The following GLI3 variants were observed in gnomAD, a reference collection of about 807,000 sequenced individuals.
GLI3 encodes transcription activator GLI3.
A neutral mutation model predicts 100.8 loss-of-function variants in GLI3; 20 were observed. The ratio of observed to expected loss-of-function variants is 0.20; its 90% CI spans 0.14 to 0.29. The LOEUF (loss-of-function observed/expected upper bound fraction) is 0.29. Ranked by LOEUF, GLI3 falls within the 10% of genes least tolerant of loss-of-function variation. GLI3 has a pLI of 1.00. For missense variants in GLI3, 2,040 were observed against 2,128.5 expected, an observed-to-expected ratio of 0.96 and a Z score of 0.82; for synonymous variants, 938 against 860.5, an observed-to-expected ratio of 1.09 and a Z score of -1.58.
chr7:42,111,976 G>T (rs538271571), intron 3 of GLI3, among the ~76,000 whole-genome samples: 205 of 152,256 alleles, frequency 1.3e-3, no homozygotes, highest in Non-Finnish European at 2.4e-3. Flanking sequence ...CCAGGAAATA[G>T]GAGCCCAAGA....
chr7:42,213,404 T>C (rs1788309053), intron 2 of GLI3, among the ~76,000 whole-genome samples: 1 of 152,178 alleles, frequency 6.6e-6, no homozygotes, highest in Non-Finnish European at 1.5e-5. Flanking sequence ...ATGGTTGTTT[T>C]CTCCCCCTCC....
At chr7:42,243,557 T>C (rs1788944466) in intron 1 of GLI3, among the ~76,000 whole-genome samples, 1 of 152,248 alleles carries the variant, frequency 6.6e-6, no homozygotes, top group African/African-American at 2.4e-5. Flanking sequence ...TTTGCCCATC[T>C]GTGAATTGGA....
intron 1 of GLI3, among the ~76,000 whole-genome samples, chr7:42,231,591 T>G (rs978003895): frequency 3.3e-5 from 5 of 152,210 alleles, no homozygotes; most frequent in African/African-American, 1.2e-4. Context: ...TGAAGTGGCA[T>G]GGCCTGCTCC....
At position 42,148,311 on chromosome 7, in the gene GLI3, C is replaced by G. The variant is rs775112086; in HGVS notation, c.282G>C (p.Leu94=). 1 of 1,613,500 alleles carries G rather than the reference C, an allele frequency of 6.2e-7. No individual in the cohort carries two copies. The highest frequency in any genetic ancestry group is 1.1e-5 in the South Asian group (1 of 90,952). The change falls in exon 3 of 15, where the codon CTG becomes CTC. Residue 94 remains leucine, a synonymous_variant. Transcript: ENST00000395925. ...SLIKKEIHGS[L]PHVAEPSVPY... ...GCACAGAGGGCTCCGCCACGTGTGG[C>G]AGGGACCCATGGATCTCTTTCTTGA...
intron 7 of GLI3, 83 bp from the exon 8 acceptor site, chr7:42,026,495 A>C: frequency 9.6e-7 from 1 of 1,040,444 alleles, no homozygotes; most frequent in African/African-American, 1.6e-5. Context: ...CTTTCTATCT[A>C]TAATTTTACC....
At chr7:42,262,818 A>G (rs1260282569) in intron 1 of GLI3, among the ~76,000 whole-genome samples, 1 of 152,200 alleles carries the variant, frequency 6.6e-6, no homozygotes, top group African/African-American at 2.4e-5. Context: ...TTCATGCTAC[A>G]TACATTTTAT....
At chr7:42,022,221 G>A (rs1788963095) in intron 10 of GLI3, among the ~76,000 whole-genome samples, 1 of 152,132 alleles carries the variant, frequency 6.6e-6, no homozygotes. Flanking sequence ...AAAACATTCT[G>A]TATAGAACAG....
chr7:42,006,209 A>G (rs1386926319), intron 10 of GLI3, among the ~76,000 whole-genome samples: 1 of 152,222 alleles, frequency 6.6e-6, no homozygotes, highest in Non-Finnish European at 1.5e-5. Flanking sequence ...GTTGTCTGCC[A>G]GACTTCAGGC....
chr7:42,145,667 C>T, intron 3 of GLI3: 1 of 395,840 alleles, frequency 2.5e-6, no homozygotes, highest in Non-Finnish European at 4.4e-6. Flanking sequence ...ACAAGTGCAA[C>T]CCTCACAAAC....
At position 42,076,823 on chromosome 7, in the gene GLI3, A is replaced by G; in HGVS notation, c.402T>C (p.Pro134=). Residue 134 remains proline (P), a synonymous_variant, in exon 4 of 15, where the codon CCT becomes CCC. Transcript: ENST00000395925. ...PPHLFPAFHP[P]VPIDARHHEG... The stretch of plus-strand genomic sequence containing the variant: ...CATGATGTCTGGCATCAATTGGTAC[A>G]GGAGGATGGAAGGCAGGGAAAAGAT... The G allele has an allele frequency of 1.2e-6, 2 of 1,613,294 alleles. No individual in the cohort carries two copies. The highest frequency in any genetic ancestry group is 1.1e-5 in the South Asian group (1 of 91,060).
chr7:42,098,183 AG>A (rs1444896541), intron 3 of GLI3, among the ~76,000 whole-genome samples: 3 of 152,064 alleles, frequency 2.0e-5, no homozygotes, highest in Admixed American at 2.0e-4. Flanking sequence ...GTGGGAAGGC[AG>A]GAATCAATGT....
Position 41,964,636 on chromosome 7 carries a change from T to C in GLI3, c.4437A>G (p.Leu1479=), listed in dbSNP as rs1440277643. 6.2e-7 allele frequency: 1 copy of C among 1,613,980 alleles called. No individual in the cohort carries two copies. The highest frequency in any genetic ancestry group is 8.5e-7 in the Non-Finnish European group (1 of 1,179,898). ...LQGTSAKNSE[L]LSPGANQVTS... ...TCACCTGATTAGCACCTGGGGAAAG[T>C]AACTCAGAGTTTTTGGCGCTGGTCC... is the stretch of plus-strand genomic sequence containing the variant. Residue 1479 remains leucine (L), a synonymous_variant, in exon 15 of 15, where the codon TTA becomes TTG. Coordinates refer to ENST00000395925, the MANE Select transcript of GLI3 (RefSeq NM_000168.6).
Position 41,964,767 on chromosome 7 carries a change from G to C in GLI3, c.4306C>G (p.Leu1436Val), listed in dbSNP as rs770095761. Residue 1436 changes from leucine to valine, a missense_variant, in exon 15 of 15, where the codon CTG becomes GTG. Leu to Val is a conservative substitution (Grantham distance 32). This residue lies in a region of GLI3 where 1,041 missense variants were observed against 924.0 expected (regional missense o/e 1.13). Coordinates refer to ENST00000395925, the MANE Select transcript of GLI3 (RefSeq NM_000168.6). ...KGQPHPLCSNLQNYSGQFYDQ... is the reference protein window; with the variant it reads ...KGQPHPLCSNVQNYSGQFYDQ... ...TAGAACTGACCAGAGTAATTCTGCA[G>C]ATTAGAGCACAGCGGATGGGGCTGC... The C allele has an allele frequency of 6.2e-7, 1 of 1,613,858 alleles. No homozygotes were observed. The highest frequency in any genetic ancestry group is 8.5e-7 in the Non-Finnish European group (1 of 1,179,852).
chr7:42,179,128 T>C (rs970398280), intron 2 of GLI3, among the ~76,000 whole-genome samples: 17 of 152,018 alleles, frequency 1.1e-4, no homozygotes, highest in African/African-American at 4.1e-4. Context: ...GCCATTCTCG[T>C]GATATTAAGT....
At chr7:42,212,276 C>CT (rs1164013345) in intron 2 of GLI3, among the ~76,000 whole-genome samples, 2 of 152,154 alleles carry the variant, frequency 1.3e-5, no homozygotes, top group Non-Finnish European at 2.9e-5. Context: ...AAAAATAACT[C>CT]AAAGGATTTT....
chr7:42,144,348 T>C (rs1786649087), intron 3 of GLI3, among the ~76,000 whole-genome samples: 1 of 152,152 alleles, frequency 6.6e-6, no homozygotes, highest in African/African-American at 2.4e-5. Flanking sequence ...CCAGTGATCC[T>C]GTAGCTGAAA....
intron 1 of GLI3, among the ~76,000 whole-genome samples, chr7:42,235,757 G>A (rs1426136123): frequency 1.3e-5 from 2 of 152,224 alleles, no homozygotes; most frequent in African/African-American, 2.4e-5. Context: ...TTTGACTAAA[G>A]GGTTCTTTGA....
At chr7:42,072,480 C>CA (rs1025336357) in intron 4 of GLI3, among the ~76,000 whole-genome samples, 3 of 152,058 alleles carry the variant, frequency 2.0e-5, no homozygotes, top group African/African-American at 7.2e-5. Context: ...CACTAAAAAA[C>CA]AAAAAACACA....
At chr7:42,221,486 CCACACA>C (rs1332841924) in intron 2 of GLI3, among the ~76,000 whole-genome samples, 6 of 152,170 alleles carry the variant, frequency 3.9e-5, no homozygotes, top group South Asian at 2.1e-4. Flanking sequence ...CCACCCACAC[CCACACA>C]CCTACACACT....
Sources: allele counts gnomAD v4.1 joint callset (sites outside exome capture counted in the v4.1 genomes callset), GRCh38; gene constraint gnomAD v4.1.1; regional missense constraint gnomAD v4.1.1; transcripts MANE v1.5; gene names NCBI Gene and HGNC (gene_info 2026-07-23, HGNC 2026-07-21).